IGSF21: variants seen among roughly 807,000 people sequenced by gnomAD.
IGSF21 encodes immunoglobin superfamily member 21.
A neutral mutation model predicts 46.8 loss-of-function variants in IGSF21; 28 were observed. The ratio of observed to expected loss-of-function variants is 0.60; its 90% CI spans 0.44 to 0.82. The LOEUF (loss-of-function observed/expected upper bound fraction) is 0.82, where lower values mean the gene tolerates loss of function less well. Among genes scored for constraint, IGSF21 ranks in the 40% least tolerant of loss-of-function variants. IGSF21 has a pLI of 0.00. For missense variants in IGSF21, 624 were observed against 665.5 expected, an observed-to-expected ratio of 0.94 and a Z score of 0.69; for synonymous variants, 284 against 273.6, an observed-to-expected ratio of 1.04 and a Z score of -0.38.
In IGSF21 at chr1:18,365,416, GC is replaced by G; in HGVS notation, c.738del (p.Ser247ProfsTer4). The G allele has an allele frequency of 6.2e-7, 1 of 1,613,568 alleles. No homozygotes were observed. The highest frequency in any genetic ancestry group is 1.1e-5 in the South Asian group (1 of 91,018). ...CGGGGTGGGCGACCCTACACGGAGC[GC>G]CCCTCCCGTGGCCTGACCCCAGATC... ...ENRGGRPYTE[R>X]PSRGLTPDPN... On this transcript the variant is annotated frameshift_variant, in exon 6 of 10. Transcript: ENST00000251296. LOFTEE classifies it high-confidence loss of function. This position sits in a 1 kb window ranked among gnomAD's most constrained non-coding sequence, Gnocchi z 4.8.
chr1:18,111,325 G>GT (rs2086143553), intron 1 of IGSF21: 1 of 152,216 alleles, frequency 6.6e-6, no homozygotes, highest in South Asian at 2.1e-4. Flanking sequence ...GCAAATGGGA[G>GT]TTTTTCATTT....
chr1:18,305,181 GGGAT>G (rs77556898), intron 3 of IGSF21, among the ~76,000 whole-genome samples: 7 of 150,074 alleles, frequency 4.7e-5, no homozygotes, highest in African/African-American at 7.3e-5. Context: ...GATAGGGAAG[GGGAT>G]GGATGGATGG....
At chr1:18,360,961 C>T (rs531559674) in intron 4 of IGSF21, among the ~76,000 whole-genome samples, 1 of 142,886 alleles carries the variant, frequency 7.0e-6, no homozygotes, top group Admixed American at 7.1e-5. Context: ...GTCCCTGCCC[C>T]TTGCGATGCC....
At chr1:18,344,277 T>G (rs956438600) in intron 4 of IGSF21, among the ~76,000 whole-genome samples, 4 of 152,138 alleles carry the variant, frequency 2.6e-5, no homozygotes, top group African/African-American at 9.7e-5. Flanking sequence ...CAAGCAATCC[T>G]CCTGCCTCAG....
At chr1:18,298,592 AC>A in intron 3 of IGSF21, among the ~76,000 whole-genome samples, 1 of 152,284 alleles carries the variant, frequency 6.6e-6, no homozygotes, top group East Asian at 1.9e-4. Flanking sequence ...GCTGGGCTGC[AC>A]CTTTTGATGT....
At chr1:18,256,430 A>G (rs890473535) in intron 2 of IGSF21, among the ~76,000 whole-genome samples, 2 of 152,174 alleles carry the variant, frequency 1.3e-5, no homozygotes, top group African/African-American at 2.4e-5. Flanking sequence ...AGGAAAGCGT[A>G]CAGCTGTCTC....
At chr1:18,151,423 A>G (rs888877077) in intron 1 of IGSF21, among the ~76,000 whole-genome samples, 40 of 152,068 alleles carry the variant, frequency 2.6e-4, no homozygotes, top group African/African-American at 9.7e-4. Flanking sequence ...GATCCTCTGT[A>G]TTCAGTCTGC....
intron 2 of IGSF21, among the ~76,000 whole-genome samples, chr1:18,282,523 G>T (rs2085171416): frequency 6.6e-6 from 1 of 152,096 alleles, no homozygotes; most frequent in South Asian, 2.1e-4. Flanking sequence ...GGGGGCTCAG[G>T]TGTTTGGGTC....
Position 18,170,304 on chromosome 1 carries a change from G to C in IGSF21, c.71-57594G>C, listed in dbSNP as rs1363959771. Among the ~76,000 whole-genome samples the C allele has an allele frequency of 2.0e-5, 3 of 152,152 alleles. No individual in the cohort carries two copies. In the East Asian group the frequency reaches 5.9e-4, roughly 30 times the overall value. ...AGGAATGGGGTCTTATGAAGCCAGT[G>C]ACCATTTCTGAGTAGGGATTCTAGA... On this transcript the variant is annotated intron_variant, in intron 1 of 9. Coordinates refer to ENST00000251296, the MANE Select transcript of IGSF21 (RefSeq NM_032880.5).
intron 4 of IGSF21, among the ~76,000 whole-genome samples, chr1:18,357,634 T>A (rs2086035101): frequency 6.6e-6 from 1 of 152,046 alleles, no homozygotes; most frequent in Non-Finnish European, 1.5e-5. Flanking sequence ...ATGCCGTACT[T>A]GGTCAAGAGA....
intron 4 of IGSF21, among the ~76,000 whole-genome samples, chr1:18,343,598 T>C (rs998092741): frequency 1.3e-5 from 2 of 152,224 alleles, no homozygotes; most frequent in East Asian, 3.8e-4. Flanking sequence ...AAGTTGATGA[T>C]GCATTTCAAG....
chr1:18,255,299 C>T (rs530905139), intron 2 of IGSF21, among the ~76,000 whole-genome samples: 2 of 152,320 alleles, frequency 1.3e-5, no homozygotes, highest in South Asian at 4.1e-4. Context: ...GATGCCCCTG[C>T]TGGGCTTGTG....
chr1:18,230,300 C>G (rs930237098), intron 2 of IGSF21, among the ~76,000 whole-genome samples: 5 of 152,212 alleles, frequency 3.3e-5, no homozygotes, highest in African/African-American at 1.2e-4. Context: ...AGACCCTCCT[C>G]TCTCCCCCAC....
intron 2 of IGSF21, among the ~76,000 whole-genome samples, chr1:18,253,189 A>T (rs1218010323): frequency 6.6e-6 from 1 of 151,870 alleles, no homozygotes; most frequent in Non-Finnish European, 1.5e-5. Flanking sequence ...TGCAGGGTCT[A>T]CCCAGCCCCG....
chr1:18,335,104 C>A lies in IGSF21; in HGVS notation c.424+94C>A, dbSNP rs1438698956. The A allele has an allele frequency of 1.4e-5, 13 of 942,372 alleles. No individual in the cohort carries two copies. Among genetic ancestry groups the A allele is most frequent in the Non-Finnish European group, 1.9e-5 (11 of 590,466 alleles). 58.4% of individuals were successfully genotyped at this position (942,372 alleles called of 1,614,324 possible). A position where few individuals can be genotyped will look rare whatever the true frequency, so the allele number is the denominator to read the frequency against. ...GCGCACAGAGTGGCCATCCTGGGGG[C>A]CATCCACCAGAAGTTCTGTTGTGCT... On this transcript the variant is annotated intron_variant, in intron 4 of 9. Transcript: ENST00000251296. This position sits in a 1 kb window ranked among gnomAD's most constrained non-coding sequence, Gnocchi z 4.8.
intron 3 of IGSF21, among the ~76,000 whole-genome samples, chr1:18,299,744 AG>A (rs1423999038): frequency 6.6e-6 from 1 of 152,176 alleles, no homozygotes. Context: ...TGTGAATGAG[AG>A]AGAGTGGAAT....
At chr1:18,187,183 C>T (rs1570315517) in intron 1 of IGSF21, among the ~76,000 whole-genome samples, 1 of 151,654 alleles carries the variant, frequency 6.6e-6, no homozygotes, top group Admixed American at 6.6e-5. Flanking sequence ...AGATGGCTGC[C>T]TACACACTGT....
chr1:18,123,882 A>C lies in IGSF21; in HGVS notation c.70+15684A>C, dbSNP rs557380535. On this transcript the variant is annotated intron_variant, in intron 1 of 9. Transcript: ENST00000251296. Reference sequence around the variant, plus strand: ...AGGTAAGCCAGTCCTGCAATTAGACAAATTCCCTAGCTGTAGGCCCCCTGG... The same window carrying C: ...AGGTAAGCCAGTCCTGCAATTAGACCAATTCCCTAGCTGTAGGCCCCCTGG... Among the ~76,000 whole-genome samples the C allele has an allele frequency of 3.3e-5, 5 of 152,286 alleles. No individual in the cohort carries two copies. The South Asian group carries it at 1.0e-3, about 32-fold the overall frequency.
At chr1:18,263,780 C>G (rs2084967078) in intron 2 of IGSF21, among the ~76,000 whole-genome samples, 1 of 152,164 alleles carries the variant, frequency 6.6e-6, no homozygotes, top group South Asian at 2.1e-4. Flanking sequence ...CTCATCCCCC[C>G]TGACTCTCAC....
Sources: gnomAD v4.1 joint callset for allele counts (sites outside exome capture counted in the v4.1 genomes callset) on GRCh38, gnomAD v4.1.1 for gene constraint, Gnocchi (gnomAD v3.1) non-coding constraint, MANE v1.5 for transcripts, NCBI Gene and HGNC (gene_info 2026-07-23, HGNC 2026-07-21) for gene names.